Variants in TNFSF10 observed in about 807,000 individuals in gnomAD.
TNFSF10 encodes the protein tumor necrosis factor ligand superfamily member 10.
TNFSF10 carries 13 observed loss-of-function variants against 29.5 expected under a neutral mutation model. The observed-to-expected ratio is 0.44, with a 90% confidence interval of 0.29 to 0.70. The LOEUF is 0.70. TNFSF10 is among the 30% of genes least tolerant of loss of function. TNFSF10 has a pLI of 0.13. For missense variants in TNFSF10, 345 were observed against 330.9 expected (o/e 1.04, Z -0.33); for synonymous variants, 111 against 112.8 (o/e 0.98, Z 0.10).
chr3:172,521,310 G>A (rs62282626), intron 1 of TNFSF10, among the ~76,000 whole-genome samples: 2,423 of 152,218 alleles, frequency 0.016, 27 homozygotes, highest in Non-Finnish European at 0.026. Context: ...TCTGACAAAG[G>A]TCTAATATGC....
At chr3:172,508,273 C>T (rs959437411) in intron 4 of TNFSF10, among the ~76,000 whole-genome samples, 12 of 147,578 alleles carry the variant, frequency 8.1e-5, no homozygotes, top group Admixed American at 4.1e-4. Flanking sequence ...CCAGCCTGGG[C>T]GACAAAAGTG....
In TNFSF10 at chr3:172,514,892, A is replaced by C; in HGVS notation, c.239T>G (p.Val80Gly). The C allele has an allele frequency of 6.2e-7, 1 of 1,614,130 alleles. No individual in the cohort carries two copies. Among genetic ancestry groups the C allele is most frequent in the Middle Eastern group, 1.6e-4 (1 of 6,062 alleles). Residue 80 changes from valine to glycine, a missense_variant, in exon 2 of 5, where the codon GTC becomes GGC. Transcript: ENST00000241261. ...AACGAGCTGACGGAGTTGCCACTTG[A>C]CTTGCCAGCAGGGGCTGTTCATACT... ...EESMNSPCWQ[V>G]KWQLRQLVRK... is the part of the protein sequence containing the mutation.
intron 2 of TNFSF10, among the ~76,000 whole-genome samples, chr3:172,511,940 C>T (rs1713241237): frequency 1.3e-5 from 2 of 152,190 alleles, no homozygotes; most frequent in South Asian, 4.1e-4. Flanking sequence ...TGGAGCAGTG[C>T]AGGAGGAAGA....
chr3:172,508,311 A>C (rs943515377), intron 4 of TNFSF10, among the ~76,000 whole-genome samples: 22 of 152,184 alleles, frequency 1.4e-4, no homozygotes, highest in African/African-American at 5.3e-4. Flanking sequence ...AACAAAAAAA[A>C]AACAAAAAAA....
intron 1 of TNFSF10, chr3:172,522,224 TAAAG>T (rs1331717677): frequency 1.0e-5 from 5 of 486,208 alleles, no homozygotes; most frequent in African/African-American, 2.0e-5. Flanking sequence ...AATTTAAAAA[TAAAG>T]AAATCTGTTT....
chr3:172,506,985 T>A (rs1334758653), intron 4 of TNFSF10, 66 bp from the exon 5 acceptor site: 1 of 1,414,042 alleles, frequency 7.1e-7, no homozygotes, highest in South Asian at 1.5e-5. Context: ...AGGAGCTTTT[T>A]TGCAGCTGTG....
chr3:172,518,601 G>T, intron 1 of TNFSF10: 1 of 629,594 alleles, frequency 1.6e-6, no homozygotes, highest in South Asian at 1.7e-5. Flanking sequence ...ACAGATTTCA[G>T]GGGCTAAGCC....
intron 1 of TNFSF10, among the ~76,000 whole-genome samples, chr3:172,520,061 T>C (rs1055894825): frequency 3.9e-5 from 6 of 152,200 alleles, no homozygotes; most frequent in Non-Finnish European, 7.3e-5. Flanking sequence ...TAAAAAGTGG[T>C]TGTGGTGGTG....
intron 1 of TNFSF10, among the ~76,000 whole-genome samples, chr3:172,521,039 T>C (rs1026458991): frequency 1.3e-5 from 2 of 152,178 alleles, no homozygotes; most frequent in Admixed American, 6.5e-5. Flanking sequence ...TTACAGCTTC[T>C]ACAAAAATTA....
chr3:172,513,660 A>T (rs1273668712), intron 2 of TNFSF10, among the ~76,000 whole-genome samples: 1 of 152,236 alleles, frequency 6.6e-6, no homozygotes, highest in African/African-American at 2.4e-5. Context: ...GGAGAAACAG[A>T]TGCAGAACAC....
rs148848723 is a variant in TNFSF10 at position 172,514,968 on chromosome 3, C to T, written c.163G>A (p.Ala55Thr). The T allele has an allele frequency of 2.0e-4, 317 of 1,614,088 alleles. No homozygotes were observed. The highest frequency in any genetic ancestry group is 2.6e-4 in the Non-Finnish European group (307 of 1,179,998). The part of the protein sequence containing the change: ...MQDKYSKSGI[A>T]CFLKEDDSYW... ...CTGTCATCTTCTTTTAAGAAACAAG[C>T]AATGCCACTTTTGGAGTACTTGTCC... Residue 55 changes from alanine (A) to threonine (T), a missense_variant, in exon 2 of 5, where the codon GCT becomes ACT. Physicochemically the swap from Ala to Thr is moderately conservative, Grantham distance 58. Transcript: ENST00000241261.
rs1131532 is a variant in TNFSF10 at position 172,506,513 on chromosome 3, A to C, written c.825T>G (p.Phe275Leu). Residue 275 changes from phenylalanine to leucine, a missense_variant, in exon 5 of 5, where the codon TTT becomes TTG. Phe to Leu is a conservative substitution (Grantham distance 22). Coordinates refer to ENST00000241261, the MANE Select transcript of TNFSF10 (RefSeq NM_003810.4). Reference sequence around the variant, plus strand: ...TCAGTTAGCCAACTAAAAAGGCCCCAAAAAAACTGGCTTCATGGTCCATGT... The same window carrying C: ...TCAGTTAGCCAACTAAAAAGGCCCCCAAAAAACTGGCTTCATGGTCCATGT... ...LIDMDHEASF[F>L]GAFLVG is the part of the protein sequence containing the mutation. 1.1e-5 allele frequency: 18 copies of C among 1,604,136 alleles called. No homozygotes were observed. Among genetic ancestry groups the C allele is most frequent in the East Asian group, 2.2e-5 (1 of 44,808 alleles).
rs138454477 is a variant in TNFSF10, at chr3:172,516,188, C to T, written c.133-1190G>A. 1.3e-3 allele frequency among the ~76,000 whole-genome samples: 196 copies of T among 149,986 alleles called. 1 individual carries two copies. The highest frequency in any genetic ancestry group is 3.6e-3 in the African/African-American group (146 of 40,646). On this transcript the variant is annotated intron_variant, in intron 1 of 4. Transcript: ENST00000241261. The stretch of plus-strand genomic sequence containing the variant: ...CTGAGGCAGGATAATGGTGTGAACC[C>T]GGGAGGCGGAGCTTGCAGTGAGCTG...
At chr3:172,516,263 C>A (rs1266921524) in intron 1 of TNFSF10, among the ~76,000 whole-genome samples, 171 of 124,306 alleles carry the variant, frequency 1.4e-3, no homozygotes, top group Admixed American at 1.5e-3. Context: ...GACTCCATCT[C>A]AAAAAAAAAA....
chr3:172,513,489 G>T (rs925751798), intron 2 of TNFSF10, among the ~76,000 whole-genome samples: 1 of 152,178 alleles, frequency 6.6e-6, no homozygotes, highest in African/African-American at 2.4e-5. Context: ...GAGCAATGCC[G>T]CCAGGGCAGC....
intron 1 of TNFSF10, among the ~76,000 whole-genome samples, chr3:172,520,480 G>T (rs1713637236): frequency 6.6e-6 from 1 of 152,194 alleles, no homozygotes; most frequent in South Asian, 2.1e-4. Context: ...ACATTTCAAA[G>T]ATGTGAAAGT....
chr3:172,521,164 A>G (rs1347507613), intron 1 of TNFSF10, among the ~76,000 whole-genome samples: 1 of 152,216 alleles, frequency 6.6e-6, no homozygotes, highest in Non-Finnish European at 1.5e-5. Context: ...CTAAAACACC[A>G]AAAGCAATTG....
At position 172,506,164 on chromosome 3, in the gene TNFSF10, A is replaced by G; in HGVS notation, c.*328T>C. 1 of 237,446 alleles carries G rather than the reference A, an allele frequency of 4.2e-6. No homozygotes were observed. 14.7% of individuals were successfully genotyped at this position (237,446 alleles called of 1,614,324 possible). A position where few individuals can be genotyped will look rare whatever the true frequency, so the allele number is the denominator to read the frequency against. Reference sequence around the variant, plus strand: ...TTCTTCTACAGTCTTTACAAGGAGTAGATTATAAAGACAGAAGATGTTAAC... The same window carrying G: ...TTCTTCTACAGTCTTTACAAGGAGTGGATTATAAAGACAGAAGATGTTAAC... On this transcript the variant is annotated 3_prime_UTR_variant, in exon 5 of 5. Coordinates refer to ENST00000241261, the MANE Select transcript of TNFSF10 (RefSeq NM_003810.4).
At position 172,506,781 on chromosome 3, in the gene TNFSF10, GA is replaced by G; in HGVS notation, c.556del (p.Ser186ProfsTer11). On this transcript the variant is annotated frameshift_variant, in exon 5 of 5. Transcript: ENST00000241261. LOFTEE classifies it high-confidence loss of function. ...IHEKGFYYIY[S>X]QTYFRFQEEI... ...CTCCTGAAATCGAAAGTATGTTTGGGAATAGATGTAGTAAAACCCTTTTTCA... is the reference window on the plus strand; with the variant it reads ...CTCCTGAAATCGAAAGTATGTTTGGGATAGATGTAGTAAAACCCTTTTTCA... 1 of 1,614,110 alleles carries G rather than the reference GA, an allele frequency of 6.2e-7. No individual in the cohort carries two copies. Among genetic ancestry groups the G allele is most frequent in the Non-Finnish European group, 8.5e-7 (1 of 1,180,046 alleles).
Sources: allele counts gnomAD v4.1 joint callset (sites outside exome capture counted in the v4.1 genomes callset), GRCh38; gene constraint gnomAD v4.1.1; transcripts MANE v1.5; gene names NCBI Gene and HGNC (gene_info 2026-07-23, HGNC 2026-07-21).